Variants in ERBB4 observed in about 807,000 individuals in gnomAD.
ERBB4 encodes erb-b2 receptor tyrosine kinase 4.
In ERBB4, 42 loss-of-function variants were observed where a neutral mutation model predicts 158.0. The observed-to-expected ratio is 0.27, with a 90% CI of 0.21 to 0.34. The LOEUF (loss-of-function observed/expected upper bound fraction) is 0.34. Ranked by LOEUF, ERBB4 falls within the 10% of genes least tolerant of loss-of-function variation. The pLI is 1.00. For missense variants in ERBB4, 1,333 were observed against 1,624.1 expected (o/e 0.82, Z 3.08); for synonymous variants, 583 against 558.7 (o/e 1.04, Z -0.61).
At chr2:212,094,096 T>C (rs1575621703) in intron 2 of ERBB4, among the ~76,000 whole-genome samples, 1 of 151,960 alleles carries the variant, frequency 6.6e-6, no homozygotes. Context: ...CCCCTCCAAA[T>C]CTCATGTTGA....
chr2:211,983,967 G>T (rs2081871988), intron 2 of ERBB4, among the ~76,000 whole-genome samples: 1 of 152,120 alleles, frequency 6.6e-6, no homozygotes, highest in African/African-American at 2.4e-5. Flanking sequence ...CATTCAGGTT[G>T]CTATAACAAT....
intron 1 of ERBB4, among the ~76,000 whole-genome samples, chr2:212,401,312 G>A (rs1030907365): frequency 3.3e-5 from 5 of 152,022 alleles, no homozygotes; most frequent in African/African-American, 1.2e-4. Context: ...TTATTGTGAA[G>A]ATCAAGTAAG....
intron 9 of ERBB4, among the ~76,000 whole-genome samples, chr2:211,709,280 C>CACATATATATATATATATATAT (rs2106069804): frequency 8.0e-6 from 1 of 124,432 alleles, no homozygotes; most frequent in African/African-American, 3.6e-5. Flanking sequence ...TATATACATA[C>CACATATATATATATATATATAT]ATATATATAT....
chr2:212,521,685 T>C (rs1328974288), intron 1 of ERBB4, among the ~76,000 whole-genome samples: 3 of 151,930 alleles, frequency 2.0e-5, no homozygotes, highest in Non-Finnish European at 2.9e-5. Flanking sequence ...CCTTCACAAC[T>C]ATGAGGTTAA....
At chr2:211,983,547 C>T (rs2081860586) in intron 2 of ERBB4, among the ~76,000 whole-genome samples, 1 of 152,132 alleles carries the variant, frequency 6.6e-6, no homozygotes, top group South Asian at 2.1e-4. Context: ...TTATCCAGCA[C>T]ACACAACTGA....
At chr2:212,129,645 G>A (rs1420400900) in intron 1 of ERBB4, among the ~76,000 whole-genome samples, 1 of 151,682 alleles carries the variant, frequency 6.6e-6, no homozygotes, top group South Asian at 2.1e-4. Context: ...AAAAAAAATT[G>A]CTATTCCTCA....
At chr2:211,944,451 C>G (rs183917932) in intron 3 of ERBB4, among the ~76,000 whole-genome samples, 2 of 151,370 alleles carry the variant, frequency 1.3e-5, no homozygotes, top group Admixed American at 6.6e-5. Flanking sequence ...ACTTTATTCC[C>G]AGCATCTTCC....
intron 12 of ERBB4, among the ~76,000 whole-genome samples, chr2:211,685,461 G>T (rs1188760015): frequency 1.3e-5 from 2 of 152,118 alleles, no homozygotes; most frequent in Admixed American, 6.6e-5. Flanking sequence ...TTATTTCTGA[G>T]TTTGTTTTAT....
chr2:212,286,594 C>CTTT (rs71054190), intron 1 of ERBB4, among the ~76,000 whole-genome samples: 14 of 55,540 alleles, frequency 2.5e-4, no homozygotes, highest in Non-Finnish European at 2.9e-4. Context: ...TAAGTGCTGA[C>CTTT]TTTTTTTTTT....
chr2:211,403,012 C>A (rs893041145), intron 25 of ERBB4, among the ~76,000 whole-genome samples: 11 of 151,998 alleles, frequency 7.2e-5, no homozygotes, highest in Admixed American at 2.0e-4. Context: ...GAACCCAAGT[C>A]ATAGATTCAC....
At chr2:212,475,820 A>G (rs1273340526) in intron 1 of ERBB4, among the ~76,000 whole-genome samples, 2 of 152,226 alleles carry the variant, frequency 1.3e-5, no homozygotes, top group East Asian at 1.9e-4. Context: ...TTGTATTACC[A>G]ATTCTATATC....
chr2:211,833,443 G>C (rs1056546632), intron 3 of ERBB4, among the ~76,000 whole-genome samples: 30 of 151,944 alleles, frequency 2.0e-4, no homozygotes, highest in African/African-American at 7.0e-4. Context: ...AGTTCACTTT[G>C]TAAATATAAG....
chr2:211,942,206 C>T, intron 3 of ERBB4, among the ~76,000 whole-genome samples: 1 of 152,100 alleles, frequency 6.6e-6, no homozygotes, highest in East Asian at 1.9e-4. Flanking sequence ...TACTACATTA[C>T]TTGGATGTAC....
intron 2 of ERBB4, among the ~76,000 whole-genome samples, chr2:211,963,201 G>A (rs767290623): frequency 3.9e-5 from 6 of 151,978 alleles, no homozygotes; most frequent in Non-Finnish European, 7.4e-5. Context: ...TGTCATCTTT[G>A]GTGAGGGGTG....
intron 13 of ERBB4, 118 bp from the exon 14 acceptor site, chr2:211,673,375 G>C (rs2071920630): frequency 2.7e-6 from 2 of 748,674 alleles, no homozygotes; most frequent in Non-Finnish European, 4.8e-6. Context: ...GTTTCTCTAT[G>C]TGCCAGGAGC....
intron 1 of ERBB4, among the ~76,000 whole-genome samples, chr2:212,532,531 T>C (rs1386181801): frequency 6.6e-6 from 1 of 152,242 alleles, no homozygotes; most frequent in Non-Finnish European, 1.5e-5. Flanking sequence ...CCATTTCTAA[T>C]TAATTGAATT....
intron 1 of ERBB4, among the ~76,000 whole-genome samples, chr2:212,379,500 C>T (rs1017777878): frequency 2.0e-5 from 3 of 151,574 alleles, no homozygotes; most frequent in Non-Finnish European, 4.4e-5. Flanking sequence ...GTGTAGACTA[C>T]CTTTACTAAT....
chr2:212,155,036 G>T (rs1373815576), intron 1 of ERBB4, among the ~76,000 whole-genome samples: 1 of 152,076 alleles, frequency 6.6e-6, no homozygotes, highest in African/African-American at 2.4e-5. Flanking sequence ...GAATGGTGCC[G>T]CAATTCAAAT....
intron 1 of ERBB4, among the ~76,000 whole-genome samples, chr2:212,501,833 C>A (rs1690909054): frequency 6.6e-6 from 1 of 152,016 alleles, no homozygotes; most frequent in African/African-American, 2.4e-5. Context: ...ATCATTTTAT[C>A]AATTAAGATG....
Sources: gnomAD v4.1 joint callset for allele counts (sites outside exome capture counted in the v4.1 genomes callset) on GRCh38, gnomAD v4.1.1 for gene constraint, MANE v1.5 for transcripts, NCBI Gene and HGNC (gene_info 2026-07-23, HGNC 2026-07-21) for gene names.